PRR16: variants seen among roughly 807,000 people sequenced by gnomAD.
The protein encoded by PRR16 is protein Largen.
A neutral mutation model predicts 18.2 loss-of-function variants in PRR16; 6 were observed. That is an observed-to-expected ratio of 0.33 (90% CI 0.18 to 0.65). The LOEUF (loss-of-function observed/expected upper bound fraction) is 0.65, where lower values mean the gene tolerates loss of function less well. PRR16 is among the 30% of genes least tolerant of loss of function. The probability of loss-of-function intolerance (pLI) is 0.74; values close to 1 mark genes in which losing one functional copy is unlikely to be tolerated. For missense variants in PRR16, 412 were observed against 376.6 expected, an observed-to-expected ratio of 1.09 and a Z score of -0.78; for synonymous variants, 151 against 147.8, an observed-to-expected ratio of 1.02 and a Z score of -0.16.
intron 1 of PRR16, among the ~76,000 whole-genome samples, chr5:120,490,231 A>T (rs1299177257): frequency 6.6e-6 from 1 of 152,092 alleles, no homozygotes; most frequent in African/African-American, 2.4e-5. Flanking sequence ...CTCCTGGATA[A>T]TATCCTGCAG....
downstream of PRR16, among the ~76,000 whole-genome samples, chr5:120,688,365 G>A (rs1005094862): frequency 5.3e-5 from 8 of 151,986 alleles, no homozygotes; most frequent in African/African-American, 1.7e-4. Flanking sequence ...AAAATAATCC[G>A]ACTTACAATA....
the PRR16 span, among the ~76,000 whole-genome samples, chr5:120,774,902 T>C: frequency 2.2e-3 from 337 of 152,274 alleles, 1 homozygote; most frequent in Non-Finnish European, 3.8e-3. Context: ...TTAAGGTATT[T>C]ATGACTTCAA....
At chr5:120,640,041 A>G (rs1043728747) in intron 1 of PRR16, among the ~76,000 whole-genome samples, 8 of 152,070 alleles carry the variant, frequency 5.3e-5, no homozygotes, top group South Asian at 2.1e-4. Context: ...AACACAGGAA[A>G]AGAAAACCAA....
chr5:120,741,377 A>G, the PRR16 span, among the ~76,000 whole-genome samples: 13 of 152,024 alleles, frequency 8.6e-5, no homozygotes, highest in African/African-American at 2.7e-4. Flanking sequence ...TTCTTTCATA[A>G]TTTTTACTTA....
At chr5:120,708,706 C>A in the PRR16 span, among the ~76,000 whole-genome samples, 1 of 152,026 alleles carries the variant, frequency 6.6e-6, no homozygotes, top group African/African-American at 2.4e-5. Flanking sequence ...AGAACCCAAT[C>A]CTACCAAAGG....
intron 1 of PRR16, among the ~76,000 whole-genome samples, chr5:120,681,380 A>G (rs1462896072): frequency 6.6e-6 from 1 of 152,202 alleles, no homozygotes; most frequent in Non-Finnish European, 1.5e-5. Context: ...TCAGATAGAT[A>G]ATAATTTTCC....
chr5:120,773,244 A>C, the PRR16 span, among the ~76,000 whole-genome samples: 1 of 152,146 alleles, frequency 6.6e-6, no homozygotes, highest in African/African-American at 2.4e-5. Flanking sequence ...GTGACTTGAA[A>C]ACAATAAGGT....
intron 1 of PRR16, among the ~76,000 whole-genome samples, chr5:120,476,265 C>T (rs752774043): frequency 7.9e-5 from 12 of 152,090 alleles, no homozygotes; most frequent in Non-Finnish European, 1.3e-4. Flanking sequence ...CCAGTGGTCC[C>T]GTCTTTCCAA....
chr5:120,739,311 T>G, the PRR16 span, among the ~76,000 whole-genome samples: 1 of 152,144 alleles, frequency 6.6e-6, no homozygotes, highest in Non-Finnish European at 1.5e-5. Context: ...AGATTTGGTC[T>G]CTCAAAGTTG....
intron 1 of PRR16, among the ~76,000 whole-genome samples, chr5:120,605,305 C>T (rs2112796164): frequency 6.6e-6 from 1 of 152,176 alleles, no homozygotes; most frequent in South Asian, 2.1e-4. Flanking sequence ...GAGATTCTTT[C>T]CTCAGCTTAG....
chr5:120,755,798 G>C, the PRR16 span, among the ~76,000 whole-genome samples: 4 of 152,022 alleles, frequency 2.6e-5, no homozygotes, highest in Non-Finnish European at 4.4e-5. Context: ...CCAGGTTCTT[G>C]TTGTTTTAAA....
At chr5:120,699,746 T>C in the PRR16 span, among the ~76,000 whole-genome samples, 1 of 152,182 alleles carries the variant, frequency 6.6e-6, no homozygotes, top group African/African-American at 2.4e-5. Context: ...GGTGTGGTCC[T>C]GGCTCTTGTG....
intron 1 of PRR16, among the ~76,000 whole-genome samples, chr5:120,488,595 A>G (rs1012986305): frequency 2.0e-5 from 3 of 152,094 alleles, no homozygotes; most frequent in Non-Finnish European, 4.4e-5. Context: ...GTTTCAAAAA[A>G]CCAGCTCCTG....
chr5:120,759,330 C>T, the PRR16 span, among the ~76,000 whole-genome samples: 5 of 151,952 alleles, frequency 3.3e-5, no homozygotes, highest in African/African-American at 1.2e-4. Flanking sequence ...TTCATATCAC[C>T]CCAATAATTT....
At chr5:120,696,476 G>T in the PRR16 span, among the ~76,000 whole-genome samples, 5 of 152,160 alleles carry the variant, frequency 3.3e-5, no homozygotes, top group African/African-American at 9.7e-5. Flanking sequence ...AAATTGTATA[G>T]TGTATTCAAG....
At chr5:120,683,099 T>C (rs956229267) in intron 1 of PRR16, among the ~76,000 whole-genome samples, 1 of 151,860 alleles carries the variant, frequency 6.6e-6, no homozygotes. Flanking sequence ...ACCAGAGAGA[T>C]TGGGAACAGA....
At chr5:120,690,378 C>T (rs773346353), downstream of PRR16, among the ~76,000 whole-genome samples, 10 of 152,042 alleles carry the variant, frequency 6.6e-5, no homozygotes, top group Non-Finnish European at 1.3e-4. Flanking sequence ...TGTGATAATG[C>T]GATGCTGAGT....
Position 120,686,297 on chromosome 5 carries a change from A to G in PRR16, c.503A>G (p.Asn168Ser), listed in dbSNP as rs1464813117. 1 of 1,614,086 alleles carries G rather than the reference A, an allele frequency of 6.2e-7. No homozygotes were observed. Among genetic ancestry groups the G allele is most frequent in the Non-Finnish European group, 8.5e-7 (1 of 1,180,006 alleles). ...CCAGGTGGACCTAACAAAATTCCAAATGGAGATATCTGCTGCATACCCAAC... is the reference window on the plus strand; with the variant it reads ...CCAGGTGGACCTAACAAAATTCCAAGTGGAGATATCTGCTGCATACCCAAC... ...GLPGGPNKIP[N>S]GDICCIPNSN... The change falls in exon 2 of 2, where the codon AAT (asparagine) becomes AGT (serine). Residue 168 changes from asparagine to serine, a missense_variant. Physicochemically the swap from Asn to Ser is conservative, Grantham distance 46. Coordinates refer to ENST00000407149, the MANE Select transcript of PRR16 (RefSeq NM_001300783.2).
At chr5:120,679,118 T>C (rs1756896825) in intron 1 of PRR16, among the ~76,000 whole-genome samples, 1 of 152,170 alleles carries the variant, frequency 6.6e-6, no homozygotes, top group Non-Finnish European at 1.5e-5. Flanking sequence ...AAAAACCTCC[T>C]GGGATTGTCA....
Sources: gnomAD v4.1 joint callset for allele counts (sites outside exome capture counted in the v4.1 genomes callset) on GRCh38, gnomAD v4.1.1 for gene constraint, MANE v1.5 for transcripts, NCBI Gene and HGNC (gene_info 2026-07-23, HGNC 2026-07-21) for gene names.